The following ACVR1 variants were observed in gnomAD, a reference collection of about 807,000 sequenced individuals.
ACVR1 encodes the protein activin A receptor type 1, also known as activin receptor type-1.
In ACVR1, 38 loss-of-function variants were observed where a neutral mutation model predicts 57.1. That is an observed-to-expected ratio of 0.67 (90% confidence interval 0.51 to 0.87). The LOEUF (loss-of-function observed/expected upper bound fraction) is 0.87, where lower values mean the gene tolerates loss of function less well. Among genes scored for constraint, ACVR1 ranks in the 40% least tolerant of loss-of-function variants. ACVR1 has a pLI of 0.00. For missense variants in ACVR1, 463 were observed against 638.2 expected (o/e 0.73, Z 2.96); for synonymous variants, 212 against 228.1 (o/e 0.93, Z 0.63).
At chr2:157,803,736 C>T (rs1202776830) in intron 2 of ACVR1, among the ~76,000 whole-genome samples, 2 of 152,060 alleles carry the variant, frequency 1.3e-5, no homozygotes, top group African/African-American at 4.8e-5. Context: ...CTGGGATTGC[C>T]TTACTCCAGT....
At chr2:157,783,001 G>C (rs1686582920) in intron 3 of ACVR1, among the ~76,000 whole-genome samples, 1 of 152,058 alleles carries the variant, frequency 6.6e-6, no homozygotes, top group South Asian at 2.1e-4. Flanking sequence ...ACAATGAATT[G>C]ACGAGTATGA....
intron 9 of ACVR1, 59 bp from the exon 10 acceptor site, chr2:157,738,629 T>C: frequency 6.2e-7 from 1 of 1,612,482 alleles, no homozygotes; most frequent in African/African-American, 1.3e-5. Context: ...TGCCCCAAGG[T>C]TTCATTGATG....
chr2:157,860,830 TC>T (rs1419454073), intron 1 of ACVR1, among the ~76,000 whole-genome samples: 3 of 152,138 alleles, frequency 2.0e-5, no homozygotes, highest in African/African-American at 7.2e-5. Context: ...CTTCCTACGC[TC>T]AAGTCCAATG....
chr2:157,766,311 T>C (rs1685858648), intron 7 of ACVR1, 115 bp from the exon 8 acceptor site: 5 of 1,060,902 alleles, frequency 4.7e-6, no homozygotes, highest in Non-Finnish European at 5.6e-6. Context: ...GTAATTAAAC[T>C]GACCAATTGC....
At position 157,818,149 on chromosome 2, in the gene ACVR1, C is replaced by T. The variant is rs935837802; in HGVS notation, c.-8+236G>A. Among the ~76,000 whole-genome samples, 5 of 152,134 alleles carry T rather than the reference C, an allele frequency of 3.3e-5. No individual in the cohort carries two copies. The South Asian group carries it at 1.0e-3, about 32-fold the overall frequency. ...AATTTAAAGAATAGCTGTGCAGATC[C>T]ACCCAACAAAGCCTACTATGAAGGC... On this transcript the variant is annotated intron_variant, in intron 2 of 10. Transcript: ENST00000434821.
intron 1 of ACVR1, among the ~76,000 whole-genome samples, chr2:157,842,536 A>G (rs1376866708): frequency 4.6e-5 from 7 of 152,166 alleles, no homozygotes; most frequent in African/African-American, 1.4e-4. Flanking sequence ...TCTTTCATGC[A>G]TCCAGCCCTG....
rs143371844 is a variant in ACVR1, at chr2:157,774,285, G to C, written c.544-98C>G. ...GACATTGTAACTCACATGAAGGGCA[G>C]CAATCCGGGACACGTGGCCTGTTAG... On this transcript the variant is annotated intron_variant, in intron 5 of 10. Transcript: ENST00000434821. The C allele has an allele frequency of 1.7e-4, 161 of 935,022 alleles. No homozygotes were observed. The African/African-American group carries it at 2.3e-3, about 14-fold the overall frequency. 57.9% of individuals were successfully genotyped at this position (935,022 alleles called of 1,614,324 possible).
chr2:157,759,656 C>T (rs987463512), intron 9 of ACVR1, among the ~76,000 whole-genome samples: 6 of 151,972 alleles, frequency 3.9e-5, no homozygotes, highest in Admixed American at 3.9e-4. Context: ...AAACTACAGG[C>T]CAATATCCTT....
intron 1 of ACVR1, among the ~76,000 whole-genome samples, chr2:157,827,590 G>A (rs1248148090): frequency 1.3e-5 from 2 of 152,202 alleles, no homozygotes; most frequent in African/African-American, 4.8e-5. Context: ...AATTGGGGTA[G>A]TATCCCTTCC....
intron 1 of ACVR1, among the ~76,000 whole-genome samples, chr2:157,830,356 A>G (rs1214767316): frequency 6.6e-6 from 1 of 152,172 alleles, no homozygotes; most frequent in African/African-American, 2.4e-5. Context: ...AATAATGCTA[A>G]TGGAAAAAAG....
chr2:157,737,659 T>C lies in ACVR1; in HGVS notation c.1402A>G (p.Thr468Ala), dbSNP rs751515337. The stretch of plus-strand genomic sequence containing the variant: ...TCTTTCATTAGCTTGGCCAGAGAGG[T>C]TAATGTCTGAGGAGAGAAAGAACAA... ...PNRWFSDPTL[T>A]SLAKLMKECW... The change falls in exon 11 of 11, where the codon ACC (threonine) becomes GCC (alanine). Residue 468 changes from threonine (T) to alanine (A), a missense_variant. Thr to Ala is a moderately conservative substitution (Grantham distance 58). Coordinates refer to ENST00000434821, the MANE Select transcript of ACVR1 (RefSeq NM_001111067.4). 1 of 1,613,802 alleles carries C rather than the reference T, an allele frequency of 6.2e-7. No individual in the cohort carries two copies. The highest frequency in any genetic ancestry group is 1.3e-5 in the African/African-American group (1 of 74,836).
At chr2:157,860,456 G>A (rs1689682127) in intron 1 of ACVR1, among the ~76,000 whole-genome samples, 1 of 152,236 alleles carries the variant, frequency 6.6e-6, no homozygotes, top group Non-Finnish European at 1.5e-5. Flanking sequence ...GACTTCCACT[G>A]TGGAACAAAT....
chr2:157,874,085 A>G (rs1008306608), intron 1 of ACVR1, among the ~76,000 whole-genome samples: 1 of 152,214 alleles, frequency 6.6e-6, no homozygotes, highest in African/African-American at 2.4e-5. Flanking sequence ...CAGCTGGAAA[A>G]GGAGGGCATG....
intron 1 of ACVR1, among the ~76,000 whole-genome samples, chr2:157,851,408 T>G (rs1466730478): frequency 6.6e-6 from 1 of 152,030 alleles, no homozygotes; most frequent in Non-Finnish European, 1.5e-5. Flanking sequence ...TCAGGAATAT[T>G]GCAATCAGCT....
At chr2:157,834,433 C>T (rs1195002111) in intron 1 of ACVR1, among the ~76,000 whole-genome samples, 2 of 151,998 alleles carry the variant, frequency 1.3e-5, no homozygotes, top group South Asian at 4.1e-4. Context: ...GTGAATGCTA[C>T]ACAGAAGTAG....
chr2:157,790,837 C>T (rs16842091), intron 3 of ACVR1, among the ~76,000 whole-genome samples: 2,427 of 152,316 alleles, frequency 0.016, 78 homozygotes, highest in African/African-American at 0.055. Context: ...AAAACACAAA[C>T]TGCACCTACT....
At chr2:157,863,822 T>G (rs1316147198) in intron 1 of ACVR1, among the ~76,000 whole-genome samples, 1 of 152,062 alleles carries the variant, frequency 6.6e-6, no homozygotes, top group Non-Finnish European at 1.5e-5. Context: ...CCAAGTCTTT[T>G]AACTTGGAAT....
chr2:157,808,934 T>C (rs555411983), intron 2 of ACVR1, among the ~76,000 whole-genome samples: 1 of 152,026 alleles, frequency 6.6e-6, no homozygotes, highest in South Asian at 2.1e-4. Context: ...ATGTTATCTT[T>C]TCAGGAGGCT....
chr2:157,800,574 C>A (rs1284043818), intron 2 of ACVR1, among the ~76,000 whole-genome samples: 2 of 152,206 alleles, frequency 1.3e-5, no homozygotes, highest in South Asian at 2.1e-4. Context: ...AAATTTATTT[C>A]TCTTTGGTTC....
Sources: gnomAD v4.1 joint callset for allele counts (sites outside exome capture counted in the v4.1 genomes callset) on GRCh38, gnomAD v4.1.1 for gene constraint, MANE v1.5 for transcripts, NCBI Gene and HGNC (gene_info 2026-07-23, HGNC 2026-07-21) for gene names.